The following DLG2 variants were observed in gnomAD, a reference collection of about 807,000 sequenced individuals.
DLG2 encodes disks large homolog 2.
In DLG2, 45 loss-of-function variants were observed where a neutral mutation model predicts 132.5. The ratio of observed to expected loss-of-function variants is 0.34; its 90% CI spans 0.27 to 0.44. The LOEUF (loss-of-function observed/expected upper bound fraction) is 0.44. DLG2 is among the 20% of genes least tolerant of loss of function. The pLI, the probability that DLG2 is intolerant of heterozygous loss-of-function variation, is 1.00. For synonymous variants in DLG2, 424 were observed against 419.6 expected (o/e 1.01, Z -0.13); for missense variants, 1,045 against 1,196.9 (o/e 0.87, Z 1.87).
At chr11:83,712,088 G>A (rs987236391) in intron 18 of DLG2, among the ~76,000 whole-genome samples, 1 of 152,112 alleles carries the variant, frequency 6.6e-6, no homozygotes, top group Non-Finnish European at 1.5e-5. Flanking sequence ...AACCATTGTG[G>A]AAGACAGTGT....
Position 84,163,479 on chromosome 11 carries a change from T to C in DLG2, c.606A>G (p.Glu202=), listed in dbSNP as rs969696003. The part of the protein sequence containing the change: ...VNGTEIEYEF[E]EITLERGNSG... ...TTCTTACCCTCTCCAGTGTAATTTCTTCAAATTCATATTCAATTTCTGTCC... is the reference window on the plus strand; with the variant it reads ...TTCTTACCCTCTCCAGTGTAATTTCCTCAAATTCATATTCAATTTCTGTCC... Residue 202 remains glutamate, a synonymous_variant, in exon 9 of 28, where the codon GAA becomes GAG. Transcript: ENST00000376104. 2 of 1,607,306 alleles carry C rather than the reference T, an allele frequency of 1.2e-6. No homozygotes were observed. The highest frequency in any genetic ancestry group is 2.7e-5 in the African/African-American group (2 of 74,460).
At chr11:84,548,323 C>T (rs1184148779) in intron 6 of DLG2, among the ~76,000 whole-genome samples, 2 of 151,872 alleles carry the variant, frequency 1.3e-5, no homozygotes, top group Non-Finnish European at 2.9e-5. Flanking sequence ...GGTACATGTG[C>T]ACAACGTGCA....
intron 6 of DLG2, among the ~76,000 whole-genome samples, chr11:84,742,422 A>C (rs1159274099): frequency 6.6e-6 from 1 of 152,204 alleles, no homozygotes; most frequent in Admixed American, 6.5e-5. Context: ...AGTCACATAT[A>C]AGGGCATCAC....
intron 4 of DLG2, among the ~76,000 whole-genome samples, chr11:85,274,193 T>C (rs1223425891): frequency 6.6e-6 from 1 of 152,204 alleles, no homozygotes; most frequent in Non-Finnish European, 1.5e-5. Context: ...ACATGGCACA[T>C]GTATACATAT....
At chr11:83,905,170 T>G (rs935385449) in intron 15 of DLG2, among the ~76,000 whole-genome samples, 1 of 152,168 alleles carries the variant, frequency 6.6e-6, no homozygotes, top group Non-Finnish European at 1.5e-5. Flanking sequence ...ATATTACATG[T>G]CATATAATCC....
In DLG2 at chr11:83,588,070, A is replaced by G. The variant is rs2097122550; in HGVS notation, c.1940+45141T>C. On this transcript the variant is annotated intron_variant, in intron 19 of 27. Transcript: ENST00000376104. ...CGAGGCTAGGGGAGGGGCGCCCGCC[A>G]TTGCCCAGGCTTGATTAGGTAAACA... Among the ~76,000 whole-genome samples the G allele has an allele frequency of 2.0e-5, 3 of 152,178 alleles. No homozygotes were observed. The South Asian group carries it at 6.2e-4, about 32-fold the overall frequency.
chr11:84,288,278 T>A (rs1487977709), intron 7 of DLG2, among the ~76,000 whole-genome samples: 1 of 151,994 alleles, frequency 6.6e-6, no homozygotes, highest in East Asian at 1.9e-4. Flanking sequence ...CTTAAATATT[T>A]CTTAGAGTAT....
chr11:84,395,110 T>C (rs2098806793), intron 7 of DLG2, among the ~76,000 whole-genome samples: 1 of 152,202 alleles, frequency 6.6e-6, no homozygotes, highest in Non-Finnish European at 1.5e-5. Context: ...CTTTGACTAA[T>C]TTGCTGTTAC....
chr11:85,533,555 C>T (rs910533936), intron 3 of DLG2, among the ~76,000 whole-genome samples: 1 of 151,558 alleles, frequency 6.6e-6, no homozygotes, highest in African/African-American at 2.4e-5. Flanking sequence ...CACTGATGGA[C>T]ATATAGGTTG....
intron 6 of DLG2, among the ~76,000 whole-genome samples, chr11:84,600,236 C>G (rs11234094): frequency 0.32 from 41,928 of 130,076 alleles, 6,957 homozygotes; most frequent in African/African-American, 0.48. Flanking sequence ...GAAAGAAAGA[C>G]AGAAAAGCAA....
At chr11:83,514,325 CTGTT>C (rs1302909547) in intron 21 of DLG2, among the ~76,000 whole-genome samples, 3 of 152,152 alleles carry the variant, frequency 2.0e-5, no homozygotes, top group Non-Finnish European at 2.9e-5. Flanking sequence ...ATTTGGCTCT[CTGTT>C]TGTCTGTTGT....
chr11:83,739,593 A>G (rs1446857049), intron 18 of DLG2, among the ~76,000 whole-genome samples: 1 of 152,224 alleles, frequency 6.6e-6, no homozygotes, highest in Non-Finnish European at 1.5e-5. Context: ...ATATAAAAAA[A>G]GAGTTCAGCC....
intron 12 of DLG2, among the ~76,000 whole-genome samples, chr11:83,971,552 G>A (rs1424326033): frequency 1.3e-5 from 2 of 152,024 alleles, no homozygotes; most frequent in African/African-American, 4.8e-5. Flanking sequence ...ATATAGAGAT[G>A]GCAAGATACT....
At chr11:85,475,511 T>C (rs924793323) in intron 3 of DLG2, among the ~76,000 whole-genome samples, 1 of 152,032 alleles carries the variant, frequency 6.6e-6, no homozygotes, top group Non-Finnish European at 1.5e-5. Context: ...CATAAAACTA[T>C]GAAAGCAAGG....
At chr11:84,179,076 G>A (rs973940803) in intron 8 of DLG2, among the ~76,000 whole-genome samples, 1 of 152,004 alleles carries the variant, frequency 6.6e-6, no homozygotes. Flanking sequence ...CCATAAATAT[G>A]TGCAAAGAAC....
At chr11:83,503,312 G>T (rs2094524841) in intron 21 of DLG2, among the ~76,000 whole-genome samples, 1 of 122,666 alleles carries the variant, frequency 8.2e-6, no homozygotes, top group Admixed American at 9.1e-5. Context: ...AGAGTTCTCT[G>T]GAGTGACAGA....
At chr11:84,112,181 G>C (rs1455734490) in intron 9 of DLG2, among the ~76,000 whole-genome samples, 6 of 151,794 alleles carry the variant, frequency 4.0e-5, no homozygotes, top group Admixed American at 2.0e-4. Context: ...TGTATTTTTA[G>C]TAGAAACGGG....
intron 17 of DLG2, among the ~76,000 whole-genome samples, chr11:83,801,329 C>T (rs1180057786): frequency 2.0e-5 from 3 of 152,098 alleles, no homozygotes; most frequent in South Asian, 2.1e-4. Context: ...CCTTTTGACT[C>T]GGCAGCCAGA....
chr11:83,548,624 T>A (rs1009467426), intron 19 of DLG2, among the ~76,000 whole-genome samples: 1 of 152,252 alleles, frequency 6.6e-6, no homozygotes, highest in East Asian at 1.9e-4. Flanking sequence ...GCAAAGTACA[T>A]TTATGTAATT....
Sources: gnomAD v4.1 joint callset for allele counts (sites outside exome capture counted in the v4.1 genomes callset) on GRCh38, gnomAD v4.1.1 for gene constraint, MANE v1.5 for transcripts, NCBI Gene and HGNC (gene_info 2026-07-23, HGNC 2026-07-21) for gene names.